The following BAIAP2 variants were observed in gnomAD, a reference collection of about 807,000 sequenced individuals.
BAIAP2 encodes BAR/IMD domain-containing adapter protein 2.
In BAIAP2, 18 loss-of-function variants were observed where a neutral mutation model predicts 63.0. That is an observed-to-expected ratio of 0.29 (90% CI 0.20 to 0.42). The LOEUF (loss-of-function observed/expected upper bound fraction) is 0.42, where lower values mean the gene tolerates loss of function less well. Ranked by LOEUF, BAIAP2 falls within the 10% of genes least tolerant of loss-of-function variation. BAIAP2 has a pLI of 1.00. For synonymous variants in BAIAP2, 386 were observed against 307.6 expected (o/e 1.25, Z -2.67); for missense variants, 610 against 734.3 (o/e 0.83, Z 1.96).
At chr17:81,060,997 G>A (rs186199671) in intron 3 of BAIAP2, among the ~76,000 whole-genome samples, 7 of 152,266 alleles carry the variant, frequency 4.6e-5, no homozygotes, top group African/African-American at 9.6e-5. Flanking sequence ...GGTGGCATGC[G>A]CCTGTAATCC....
chr17:81,104,130 T>C, intron 9 of BAIAP2, 22 bp downstream of exon 9: 1 of 1,611,476 alleles, frequency 6.2e-7, no homozygotes. Context: ...GCTGGGGTGT[T>C]GGGCTGGGGT....
chr17:81,042,312 A>ATT (rs11411878), intron 1 of BAIAP2, among the ~76,000 whole-genome samples: 26 of 148,206 alleles, frequency 1.8e-4, no homozygotes, highest in East Asian at 4.0e-4. Context: ...TGCCTGGCTA[A>ATT]TTTTTTTTTT....
rs574929518 is a variant in BAIAP2, at chr17:81,109,942, C to T, written c.1535+1433C>T. 265 of 985,426 alleles carry T rather than the reference C, an allele frequency of 2.7e-4. 1 individual carries two copies. In the African/African-American group the frequency reaches 4.5e-3, roughly 17 times the overall value. 61.0% of individuals were successfully genotyped at this position (985,426 alleles called of 1,614,324 possible). A position where few individuals can be genotyped will look rare whatever the true frequency, so the allele number is the denominator to read the frequency against. Reference sequence around the variant, plus strand: ...AGCTCTGGGCACGCCGCACCCACGCCCCCCACCTGGGGGAAACAGGCGGTT... The same window carrying T: ...AGCTCTGGGCACGCCGCACCCACGCTCCCCACCTGGGGGAAACAGGCGGTT... On this transcript the variant is annotated intron_variant, in intron 13 of 13. Coordinates refer to ENST00000428708, the MANE Select transcript of BAIAP2 (RefSeq NM_001144888.2).
chr17:81,108,834 T>TC (rs1438241454), intron 13 of BAIAP2: 29 of 1,368,800 alleles, frequency 2.1e-5, no homozygotes, highest in Non-Finnish European at 2.4e-5. Context: ...TCCGCCCTTG[T>TC]CCTGGGTCTT....
intron 3 of BAIAP2, among the ~76,000 whole-genome samples, chr17:81,059,059 C>T (rs987274105): frequency 2.0e-5 from 3 of 152,204 alleles, no homozygotes; most frequent in Non-Finnish European, 4.4e-5. Flanking sequence ...TCACTCACGA[C>T]GTCCTGCGCC....
chr17:81,050,265 C>T (rs934702428), intron 1 of BAIAP2, among the ~76,000 whole-genome samples: 4 of 152,230 alleles, frequency 2.6e-5, no homozygotes, highest in Non-Finnish European at 5.9e-5. Flanking sequence ...CCATTGCCTT[C>T]GGGCCAGGAC....
intron 6 of BAIAP2, among the ~76,000 whole-genome samples, chr17:81,095,167 C>CGGTG (rs1294782660): frequency 6.6e-6 from 1 of 152,204 alleles, no homozygotes; most frequent in Non-Finnish European, 1.5e-5. Flanking sequence ...AGCACGCAGC[C>CGGTG]GGTGGCTCAG....
At chr17:81,096,872 C>T (rs1421600676) in intron 6 of BAIAP2, among the ~76,000 whole-genome samples, 1 of 152,164 alleles carries the variant, frequency 6.6e-6, no homozygotes, top group Non-Finnish European at 1.5e-5. Flanking sequence ...AGCAGGAAGC[C>T]CTGGTAGGTG....
At chr17:81,099,639 C>G (rs1213777182) in intron 6 of BAIAP2, among the ~76,000 whole-genome samples, 2 of 152,152 alleles carry the variant, frequency 1.3e-5, no homozygotes, top group Non-Finnish European at 2.9e-5. Context: ...GGCTGGCCCC[C>G]TGCCAGAGCC....
intron 9 of BAIAP2, 77 bp downstream of exon 9, chr17:81,104,185 C>A: frequency 6.8e-7 from 1 of 1,467,366 alleles, no homozygotes; most frequent in Admixed American, 1.8e-5. Context: ...CCACAACCCT[C>A]AATAGGGGCC....
chr17:81,085,832 C>G, intron 5 of BAIAP2, 107 bp downstream of exon 5: 2 of 851,912 alleles, frequency 2.3e-6, no homozygotes, highest in South Asian at 1.5e-5. Flanking sequence ...TCCCCGAGCT[C>G]CCCGTCCACA....
intron 1 of BAIAP2, among the ~76,000 whole-genome samples, chr17:81,044,455 T>C (rs1299866430): frequency 6.6e-6 from 1 of 152,250 alleles, no homozygotes; most frequent in East Asian, 1.9e-4. Context: ...CTCTTTCTTG[T>C]AAGGCGCTGG....
chr17:81,105,516 AGT>A (rs2059077341), intron 10 of BAIAP2: 1 of 154,662 alleles, frequency 6.5e-6, no homozygotes, highest in African/African-American at 2.4e-5. Context: ...ACACCTCCTC[AGT>A]TTACTGAATG....
At chr17:81,110,890 A>G (rs193245252) in intron 13 of BAIAP2, 84 of 1,613,498 alleles carry the variant, frequency 5.2e-5, no homozygotes, top group South Asian at 3.2e-4. Flanking sequence ...GCTGCCTCCA[A>G]CTGAGCCTTG....
intron 3 of BAIAP2, among the ~76,000 whole-genome samples, chr17:81,070,449 C>T (rs924138451): frequency 7.9e-5 from 12 of 152,240 alleles, no homozygotes; most frequent in Non-Finnish European, 1.6e-4. Context: ...AAAGAAACCC[C>T]TCTGCCCCGT....
At chr17:81,077,800 G>T (rs1206107426) in intron 3 of BAIAP2, among the ~76,000 whole-genome samples, 1 of 152,102 alleles carries the variant, frequency 6.6e-6, no homozygotes, top group Non-Finnish European at 1.5e-5. Flanking sequence ...CGCTGTGGGT[G>T]CAGGTTCCAC....
intron 3 of BAIAP2, among the ~76,000 whole-genome samples, chr17:81,084,512 G>GCTCACTGTCA (rs201653195): frequency 2.6e-5 from 4 of 152,148 alleles, no homozygotes; most frequent in East Asian, 3.8e-4. Context: ...GCGTGTTTGC[G>GCTCACTGTCA]CTCACTGTCA....
chr17:81,084,980 G>C (rs1191391147), intron 4 of BAIAP2, 87 bp downstream of exon 4: 2 of 1,371,472 alleles, frequency 1.5e-6, no homozygotes, highest in Non-Finnish European at 2.1e-6. Flanking sequence ...GTCCACTTGG[G>C]AACAGTCCCA....
At chr17:81,109,837 T>C (rs1254132916) in intron 13 of BAIAP2, 6 of 985,138 alleles carry the variant, frequency 6.1e-6, no homozygotes, top group Non-Finnish European at 7.2e-6. Flanking sequence ...TTGACCAGCC[T>C]TGTGAGGGCA....
Sources: allele counts gnomAD v4.1 joint callset (sites outside exome capture counted in the v4.1 genomes callset), GRCh38; gene constraint gnomAD v4.1.1; transcripts MANE v1.5; gene names NCBI Gene and HGNC (gene_info 2026-07-23, HGNC 2026-07-21).